Variants in RAB11FIP3 observed in about 807,000 individuals in gnomAD.
RAB11FIP3 encodes rab11 family-interacting protein 3.
In RAB11FIP3, 17 loss-of-function variants were observed where a neutral mutation model predicts 77.8. The observed-to-expected ratio is 0.22, with a 90% CI of 0.15 to 0.33. The LOEUF is 0.33. Among genes scored for constraint, RAB11FIP3 ranks in the 10% least tolerant of loss-of-function variants. RAB11FIP3 has a pLI of 1.00. For missense variants in RAB11FIP3, 1,005 were observed against 1,011.2 expected, an observed-to-expected ratio of 0.99 and a Z score of 0.08; for synonymous variants, 437 against 448.2, an observed-to-expected ratio of 0.98 and a Z score of 0.31.
At chr16:458,626 C>T (rs565653041) in intron 1 of RAB11FIP3, among the ~76,000 whole-genome samples, 1 of 152,004 alleles carries the variant, frequency 6.6e-6, no homozygotes, top group Non-Finnish European at 1.5e-5. Context: ...GCTCATCTGC[C>T]GTAACCTGCC....
At chr16:450,522 C>T (rs940111011) in intron 1 of RAB11FIP3, among the ~76,000 whole-genome samples, 9 of 152,180 alleles carry the variant, frequency 5.9e-5, no homozygotes, top group Admixed American at 1.3e-4. Flanking sequence ...TCCTCCTTTA[C>T]TTCCGCTCAG....
Position 426,723 on chromosome 16 carries a change from A to T in RAB11FIP3, c.714+3A>T. 2 of 1,484,616 alleles carry T rather than the reference A, an allele frequency of 1.3e-6. No homozygotes were observed. Among genetic ancestry groups the T allele is most frequent in the Non-Finnish European group, 1.8e-6 (2 of 1,116,494 alleles). 92.0% of individuals were successfully genotyped at this position (1,484,616 alleles called of 1,614,324 possible). On this transcript the variant is annotated splice_donor_region_variant and intron_variant, in intron 1 of 13. Coordinates refer to ENST00000262305, the MANE Select transcript of RAB11FIP3 (RefSeq NM_014700.4). The surrounding 1 kb of genome is among the most constrained non-coding windows in gnomAD (Gnocchi z 5.0). ...CTACGGTCTACGGGGCAGAGCAGGT[A>T]CGGAGCGGCCCGGGCCGGGGCGTGG...
At chr16:459,769 A>C (rs1304110833) in intron 1 of RAB11FIP3, among the ~76,000 whole-genome samples, 1 of 151,960 alleles carries the variant, frequency 6.6e-6, no homozygotes, top group Non-Finnish European at 1.5e-5. Context: ...GCATTTCTTT[A>C]AGGACTAATT....
chr16:426,454 A>G lies in RAB11FIP3; in HGVS notation c.448A>G (p.Ser150Gly). The change falls in exon 1 of 14, where the codon AGC becomes GGC. Residue 150 changes from serine (S) to glycine (G), a missense_variant. By Grantham distance (56) the Ser-to-Gly change is moderately conservative. Transcript: ENST00000262305. The surrounding 1 kb of genome is among the most constrained non-coding windows in gnomAD (Gnocchi z 5.0). ...GCCTTTCCGCTTGCAGGGGTCCAGC[A>G]GCAGCCACCGAGCGCGGGGCGAGGT... Reference protein sequence around the residue: ...SAPFRLQGSSSSHRARGEVDV... With the variant: ...SAPFRLQGSSGSHRARGEVDV... 6.3e-7 allele frequency: 1 copy of G among 1,584,780 alleles called. No homozygotes were observed.
chr16:490,871 G>A (rs939931773), intron 5 of RAB11FIP3, among the ~76,000 whole-genome samples: 1 of 152,182 alleles, frequency 6.6e-6, no homozygotes, highest in African/African-American at 2.4e-5. Flanking sequence ...CTTTCTTCTG[G>A]GCACCCGACC....
At position 480,814 on chromosome 16, in the gene RAB11FIP3, A is replaced by AT. The variant is rs1336537544; in HGVS notation, c.904-1711_904-1710insT. Reference sequence around the variant, plus strand: ...CGCCCGGCCTGTATTTATTTATTTTAATTTTTTTTTTTTCAGACAGAGTTT... The same window carrying AT: ...CGCCCGGCCTGTATTTATTTATTTTATATTTTTTTTTTTTCAGACAGAGTTT... On this transcript the variant is annotated intron_variant, in intron 3 of 13. Transcript: ENST00000262305. Among the ~76,000 whole-genome samples the AT allele has an allele frequency of 1.4e-4, 13 of 91,126 alleles. 2 individuals carry two copies. Among genetic ancestry groups the AT allele is most frequent in the African/African-American group, 4.6e-4 (12 of 26,268 alleles). 59.8% of individuals were successfully genotyped at this position (91,126 alleles called of 152,430 possible).
At chr16:457,124 G>A (rs150652034) in intron 1 of RAB11FIP3, among the ~76,000 whole-genome samples, 1 of 152,194 alleles carries the variant, frequency 6.6e-6, no homozygotes, top group Non-Finnish European at 1.5e-5. Context: ...ACAAGATGCA[G>A]AAAGGCGGTT....
At chr16:438,362 T>C (rs1284034757) in intron 1 of RAB11FIP3, among the ~76,000 whole-genome samples, 1 of 149,112 alleles carries the variant, frequency 6.7e-6, no homozygotes, top group East Asian at 2.0e-4. Context: ...CACCTCGGCC[T>C]CCCAGAGGGC....
intron 3 of RAB11FIP3, chr16:474,821 C>T (rs1414060671): frequency 2.1e-5 from 30 of 1,413,178 alleles, no homozygotes; most frequent in Non-Finnish European, 2.8e-5. Context: ...TTTGCCTTCC[C>T]CTCCCTGGGC....
rs533133154 is a variant in RAB11FIP3, at chr16:442,846, T to C, written c.714+16126T>C. Among the ~76,000 whole-genome samples, 103 of 152,162 alleles carry C rather than the reference T, an allele frequency of 6.8e-4. 1 individual carries two copies. Among genetic ancestry groups the C allele is most frequent in the Non-Finnish European group, 1.3e-3 (91 of 68,032 alleles). On this transcript the variant is annotated intron_variant, in intron 1 of 13. Coordinates refer to ENST00000262305, the MANE Select transcript of RAB11FIP3 (RefSeq NM_014700.4). ...GCTAGAGCGGTCATCTCTGCAGATG[T>C]TTCTTCCTCTCTTCTACCACTCTCA... is the stretch of plus-strand genomic sequence containing the variant.
intron 9 of RAB11FIP3, among the ~76,000 whole-genome samples, chr16:515,398 A>G (rs2032352712): frequency 6.6e-6 from 1 of 152,212 alleles, no homozygotes; most frequent in South Asian, 2.1e-4. Flanking sequence ...CAGCCCAGAA[A>G]GCACAGCTGC....
At chr16:474,176 C>A (rs796301308) in intron 3 of RAB11FIP3, among the ~76,000 whole-genome samples, 3 of 151,942 alleles carry the variant, frequency 2.0e-5, no homozygotes, top group Non-Finnish European at 4.4e-5. Context: ...ATCCAGATAC[C>A]CTATTCGGGG....
At chr16:447,467 A>G (rs1041243983) in intron 1 of RAB11FIP3, among the ~76,000 whole-genome samples, 1 of 152,114 alleles carries the variant, frequency 6.6e-6, no homozygotes, top group Admixed American at 6.6e-5. Flanking sequence ...GGCCGGGCGC[A>G]GTGGCTCACA....
rs529740092 is a variant in RAB11FIP3, at chr16:496,754, G to A, written c.1266-70G>A. On this transcript the variant is annotated intron_variant, in intron 5 of 13. Coordinates refer to ENST00000262305, the MANE Select transcript of RAB11FIP3 (RefSeq NM_014700.4). ...CCCACCTCGTATCTCCACAGCCTGA[G>A]TTTCCTGCTTCCTCCTGCTCCTCTC... 13 of 1,489,506 alleles carry A rather than the reference G, an allele frequency of 8.7e-6. No individual in the cohort carries two copies. The Admixed American group carries it at 1.9e-4, about 21-fold the overall frequency. 92.3% of individuals were successfully genotyped at this position (1,489,506 alleles called of 1,614,324 possible). A position where few individuals can be genotyped will look rare whatever the true frequency, so the allele number is the denominator to read the frequency against.
Position 505,877 on chromosome 16 carries a change from G to T in RAB11FIP3, c.1499+250G>T, listed in dbSNP as rs766827915. Among the ~76,000 whole-genome samples, 2 of 152,122 alleles carry T rather than the reference G, an allele frequency of 1.3e-5. No individual in the cohort carries two copies. The highest frequency in any genetic ancestry group is 2.9e-5 in the Non-Finnish European group (2 of 68,030). On this transcript the variant is annotated intron_variant, in intron 8 of 13. Coordinates refer to ENST00000262305, the MANE Select transcript of RAB11FIP3 (RefSeq NM_014700.4). The surrounding 1 kb of genome is among the most constrained non-coding windows in gnomAD (Gnocchi z 4.0). ...ACACAGAGGGCCAGAGGAGGGCACT[G>T]CCTCCCTCTCGGGAGCGCTGAGACC... is the stretch of plus-strand genomic sequence containing the variant.
chr16:520,995 C>A lies in RAB11FIP3; in HGVS notation c.*156C>A, dbSNP rs550768799. ...CAGCTGAGCTGGGGCCGCCAAAGAC[C>A]GGGGCTGCCAAAGGGGCAGAGGGTG... On this transcript the variant is annotated 3_prime_UTR_variant, in exon 14 of 14. Coordinates refer to ENST00000262305, the MANE Select transcript of RAB11FIP3 (RefSeq NM_014700.4). 1 of 659,910 alleles carries A rather than the reference C, an allele frequency of 1.5e-6. No homozygotes were observed. The highest frequency in any genetic ancestry group is 2.7e-6 in the Non-Finnish European group (1 of 371,036). The allele number at this position is 659,910 out of a possible 1,614,324, so 40.9% of individuals were successfully genotyped here.
chr16:482,841 C>A, intron 4 of RAB11FIP3, 105 bp downstream of exon 4: 1 of 1,238,520 alleles, frequency 8.1e-7, no homozygotes, highest in South Asian at 1.4e-5. Context: ...TGCTGGTTAG[C>A]ATCCATTATG....
At chr16:490,313 A>G (rs2030061931) in intron 5 of RAB11FIP3, among the ~76,000 whole-genome samples, 2 of 152,192 alleles carry the variant, frequency 1.3e-5, no homozygotes, top group South Asian at 4.1e-4. Context: ...GTGAAGTCAC[A>G]GGGAGGTTAG....
Position 426,410 on chromosome 16 carries a change from C to T in RAB11FIP3, c.404C>T (p.Ala135Val). 6.3e-7 allele frequency: 1 copy of T among 1,583,372 alleles called. No individual in the cohort carries two copies. The highest frequency in any genetic ancestry group is 8.6e-7 in the Non-Finnish European group (1 of 1,166,616). The change falls in exon 1 of 14, where the codon GCG (alanine) becomes GTG (valine). Residue 135 changes from alanine (A) to valine (V), a missense_variant. Transcript: ENST00000262305. This position sits in a 1 kb window ranked among gnomAD's most constrained non-coding sequence, Gnocchi z 5.0. Reference protein sequence around the residue: ...WTEEPEECGPASCPESAPFRL... With the variant: ...WTEEPEECGPVSCPESAPFRL... ...GAGGAGCCCGAGGAGTGTGGCCCCG[C>T]GAGCTGCCCGGAGAGCGCGCCTTTC...
Sources: gnomAD v4.1 joint callset for allele counts (sites outside exome capture counted in the v4.1 genomes callset) on GRCh38, gnomAD v4.1.1 for gene constraint, Gnocchi (gnomAD v3.1) non-coding constraint, MANE v1.5 for transcripts, NCBI Gene and HGNC (gene_info 2026-07-23, HGNC 2026-07-21) for gene names.